The following FLYWCH1 variants were observed in gnomAD, a reference collection of about 807,000 sequenced individuals.
The protein encoded by FLYWCH1 is FLYWCH-type zinc finger 1, also known as FLYWCH-type zinc finger-containing protein 1.
A neutral mutation model predicts 66.4 loss-of-function variants in FLYWCH1; 75 were observed. The observed-to-expected ratio is 1.13, with a 90% CI of 0.94 to 1.37. The LOEUF is 1.37. FLYWCH1 is among the 40% of genes most tolerant of loss of function. The pLI, the probability that FLYWCH1 is intolerant of heterozygous loss-of-function variation, is 0.00. For missense variants in FLYWCH1, 1,334 were observed against 1,001.8 expected, an observed-to-expected ratio of 1.33 and a Z score of -4.48; for synonymous variants, 595 against 429.9, an observed-to-expected ratio of 1.38 and a Z score of -4.75.
intron 7 of FLYWCH1, 151 bp from the exon 8 acceptor site, chr16:2,938,033 G>A: frequency 1.3e-6 from 1 of 743,452 alleles, no homozygotes; most frequent in Non-Finnish European, 2.2e-6. Context: ...TGGGCTGCAG[G>A]GCCCAGAGGG....
chr16:2,936,783 C>G, intron 6 of FLYWCH1: 3 of 524,002 alleles, frequency 5.7e-6, no homozygotes, highest in Non-Finnish European at 1.1e-5. Flanking sequence ...TTCCTCTGAC[C>G]AACCAGGCAC....
chr16:2,947,634 C>G (rs192569729), intron 9 of FLYWCH1, among the ~76,000 whole-genome samples: 1 of 151,896 alleles, frequency 6.6e-6, no homozygotes, highest in African/African-American at 2.4e-5. Flanking sequence ...TGGTGGCACG[C>G]ACCTATAATC....
chr16:2,924,587 C>G (rs1009484221), intron 2 of FLYWCH1, among the ~76,000 whole-genome samples: 1 of 152,186 alleles, frequency 6.6e-6, no homozygotes, highest in Non-Finnish European at 1.5e-5. Flanking sequence ...GCTGCCTTCC[C>G]TGCAGACTCA....
rs889029494 is a variant in FLYWCH1 at position 2,938,524 on chromosome 16, G to A, written c.2050+68G>A. ...TCATCTCTTCCAGCTCAGAACTGAT[G>A]CCCCAGGCCAGGCACCCACTGAGCA... On this transcript the variant is annotated intron_variant, in intron 8 of 9. Transcript: ENST00000253928. 3.5e-6 allele frequency: 5 copies of A among 1,436,030 alleles called. No homozygotes were observed. The African/African-American group carries it at 7.3e-5, about 21-fold the overall frequency. The allele number at this position is 1,436,030 out of a possible 1,614,324, so 89.0% of individuals were successfully genotyped here.
intron 6 of FLYWCH1, chr16:2,936,289 G>T (rs1011078421): frequency 4.9e-6 from 2 of 407,150 alleles, no homozygotes; most frequent in Admixed American, 5.7e-5. Context: ...GTGGCCTGGC[G>T]TCCCCACCTT....
At chr16:2,948,174 T>C (rs887290976) in intron 9 of FLYWCH1, among the ~76,000 whole-genome samples, 1 of 152,190 alleles carries the variant, frequency 6.6e-6, no homozygotes, top group African/African-American at 2.4e-5. Context: ...CCCCCAAACA[T>C]GCTGGTGTGG....
At position 2,933,387 on chromosome 16, in the gene FLYWCH1, C is replaced by T. The variant is rs773114968; in HGVS notation, c.1054C>T (p.Gln352Ter). 3 of 1,601,654 alleles carry T rather than the reference C, an allele frequency of 1.9e-6. No individual in the cohort carries two copies. Among genetic ancestry groups the T allele is most frequent in the Non-Finnish European group, 2.6e-6 (3 of 1,175,012 alleles). Residue 352 changes from glutamine (Q) to a stop codon, truncating the protein, a stop_gained, in exon 5 of 10, where the codon CAG (glutamine) becomes TAG (stop). Transcript: ENST00000253928. LOFTEE classifies it high-confidence loss of function. Reference sequence around the variant, plus strand: ...GCAGGAGAAGGCCGTGGAGACGCTGCAGGCTGGGCAGGACGGCCCTGGGAG... The same window carrying T: ...GCAGGAGAAGGCCGTGGAGACGCTGTAGGCTGGGCAGGACGGCCCTGGGAG... ...RQQEKAVETL[Q>*]AGQDGPGSQV...
chr16:2,915,299 C>T (rs1420732199), intron 2 of FLYWCH1: 1 of 151,560 alleles, frequency 6.6e-6, no homozygotes, highest in East Asian at 1.9e-4. Flanking sequence ...CCACGACCGA[C>T]TAATTTTTTT....
chr16:2,932,518 A>G lies in FLYWCH1; in HGVS notation c.797-612A>G, dbSNP rs968289253. ...CTGTTTTATTACCAGTAACTGGGAC[A>G]TGGGCTTGGGTTCGAGGAGGCCACG... is the stretch of plus-strand genomic sequence containing the variant. On this transcript the variant is annotated intron_variant, in intron 4 of 9. Coordinates refer to ENST00000253928, the MANE Select transcript of FLYWCH1 (RefSeq NM_001308068.2). Among the ~76,000 whole-genome samples the G allele has an allele frequency of 1.1e-4, 16 of 151,978 alleles. No individual in the cohort carries two copies. The East Asian group carries it at 1.4e-3, about 13-fold the overall frequency.
At chr16:2,925,978 G>A (rs1359436712) in intron 2 of FLYWCH1, among the ~76,000 whole-genome samples, 1 of 152,186 alleles carries the variant, frequency 6.6e-6, no homozygotes, top group Non-Finnish European at 1.5e-5. Flanking sequence ...GTCAGGGACT[G>A]CAGTCTCGAT....
Position 2,933,360 on chromosome 16 carries a change from C to T in FLYWCH1, c.1027C>T (p.Gln343Ter). The T allele has an allele frequency of 6.2e-7, 1 of 1,604,208 alleles. No homozygotes were observed. Among genetic ancestry groups the T allele is most frequent in the Non-Finnish European group, 8.5e-7 (1 of 1,175,952 alleles). ...TATGGAGGGCCTGGAAGCCCGGCGGCAGCAGGAGAAGGCCGTGGAGACGCT... is the reference window on the plus strand; with the variant it reads ...TATGGAGGGCCTGGAAGCCCGGCGGTAGCAGGAGAAGGCCGTGGAGACGCT... Reference protein sequence around the residue: ...PDMEGLEARRQQEKAVETLQA... With the variant: ...PDMEGLEARR The change falls in exon 5 of 10, where the codon CAG (glutamine) becomes TAG (stop). Residue 343 changes from glutamine to a stop codon, truncating the protein, a stop_gained. Coordinates refer to ENST00000253928, the MANE Select transcript of FLYWCH1 (RefSeq NM_001308068.2). LOFTEE classifies it high-confidence loss of function.
intron 4 of FLYWCH1, 135 bp downstream of exon 4, chr16:2,931,015 A>G (rs907047974): frequency 1.3e-6 from 1 of 764,380 alleles, no homozygotes; most frequent in East Asian, 2.8e-5. Context: ...TTTTAAAAAT[A>G]TAAATGTGGC....
intron 2 of FLYWCH1, among the ~76,000 whole-genome samples, chr16:2,918,491 A>G (rs1034354799): frequency 6.8e-6 from 1 of 146,004 alleles, no homozygotes; most frequent in Non-Finnish European, 1.5e-5. Flanking sequence ...CCCAGGCTGG[A>G]GTGCAATGGC....
intron 2 of FLYWCH1, among the ~76,000 whole-genome samples, chr16:2,920,198 T>G (rs1161764244): frequency 6.6e-6 from 1 of 152,140 alleles, no homozygotes; most frequent in Non-Finnish European, 1.5e-5. Context: ...ATGCCACCCC[T>G]TCTTTGATGA....
At chr16:2,922,116 G>C (rs2070394486) in intron 2 of FLYWCH1, among the ~76,000 whole-genome samples, 1 of 152,160 alleles carries the variant, frequency 6.6e-6, no homozygotes, top group Non-Finnish European at 1.5e-5. Context: ...ATCATATTCT[G>C]AATCATGGCG....
chr16:2,933,876 G>C lies in FLYWCH1; in HGVS notation c.1410G>C (p.Arg470=). 1 of 1,598,602 alleles carries C rather than the reference G, an allele frequency of 6.3e-7. No homozygotes were observed. The highest frequency in any genetic ancestry group is 8.5e-7 in the Non-Finnish European group (1 of 1,173,060). The part of the protein sequence containing the change: ...CRSRAITQGR[R]VTVMRGHCHP... Reference sequence around the variant, plus strand: ...GCCGCGCCATCACCCAGGGCCGACGGGTGACTGTCATGCGTGGTCACTGCC... The same window carrying C: ...GCCGCGCCATCACCCAGGGCCGACGCGTGACTGTCATGCGTGGTCACTGCC... Residue 470 remains arginine (R), a synonymous_variant, in exon 6 of 10, where the codon CGG becomes CGC. Transcript: ENST00000253928.
In FLYWCH1 at chr16:2,938,261, AAGG is replaced by A. The variant is rs769952951; in HGVS notation, c.1858_1860del (p.Glu620del). The A allele has an allele frequency of 8.7e-6, 14 of 1,613,066 alleles. No individual in the cohort carries two copies. The highest frequency in any genetic ancestry group is 4.0e-5 in the African/African-American group (3 of 74,908). ...GGTGCACGAGTCCTTCCTCTACAGG[AAGG>A]AGAAGGCGGCTGGGGAGAAGGTGTA... On this transcript the variant is annotated inframe_deletion, in exon 8 of 10. Coordinates refer to ENST00000253928, the MANE Select transcript of FLYWCH1 (RefSeq NM_001308068.2).
intron 2 of FLYWCH1, among the ~76,000 whole-genome samples, chr16:2,928,092 A>G (rs1471774668): frequency 3.9e-5 from 6 of 152,240 alleles, no homozygotes; most frequent in Admixed American, 3.9e-4. Flanking sequence ...TCACACAAAC[A>G]TCTCAGTGTA....
intron 7 of FLYWCH1, among the ~76,000 whole-genome samples, chr16:2,937,854 TG>T (rs1379758445): frequency 1.3e-5 from 2 of 151,028 alleles, no homozygotes; most frequent in African/African-American, 4.9e-5. Flanking sequence ...CAGGAGGCCC[TG>T]GTGCCCAGCC....
Sources: allele counts gnomAD v4.1 joint callset (sites outside exome capture counted in the v4.1 genomes callset), GRCh38; gene constraint gnomAD v4.1.1; transcripts MANE v1.5; gene names NCBI Gene and HGNC (gene_info 2026-07-23, HGNC 2026-07-21).